Variants in PTPRN2 observed in about 807,000 individuals in gnomAD.
PTPRN2 encodes the protein protein tyrosine phosphatase receptor type N2.
A neutral mutation model predicts 118.8 loss-of-function variants in PTPRN2; 74 were observed. The observed-to-expected ratio is 0.62, with a 90% CI of 0.52 to 0.76. The LOEUF (loss-of-function observed/expected upper bound fraction) is 0.76, where lower values mean the gene tolerates loss of function less well. PTPRN2 is among the 30% of genes least tolerant of loss of function. The probability of loss-of-function intolerance (pLI) is 0.00; values close to 1 mark genes in which losing one functional copy is unlikely to be tolerated. For missense variants in PTPRN2, 1,481 were observed against 1,394.4 expected, an observed-to-expected ratio of 1.06 and a Z score of -0.99; for synonymous variants, 641 against 608.0, an observed-to-expected ratio of 1.05 and a Z score of -0.80.
chr7:157,621,377 G>GTTTCCTCCGCCCGGAACCCT lies in PTPRN2; in HGVS notation c.2328_2329insAGGGTTCCGGGCGGAGGAAA (p.Leu777ArgfsTer11), dbSNP rs765669062. The GTTTCCTCCGCCCGGAACCCT allele has an allele frequency of 6.3e-7, 1 of 1,599,636 alleles. No individual in the cohort carries two copies. The highest frequency in any genetic ancestry group is 1.3e-5 in the African/African-American group (1 of 74,780). On this transcript the variant is annotated frameshift_variant, in exon 15 of 23. Transcript: ENST00000389418. LOFTEE classifies it high-confidence loss of function. The stretch of plus-strand genomic sequence containing the variant: ...TGGTACGTACAGGTCAGCACGGCCA[G>GTTTCCTCCGCCCGGAACCCT]GGAGCGGTTCTTGGGCACGTTCTCC...
intron 1 of PTPRN2, among the ~76,000 whole-genome samples, chr7:158,542,937 G>A (rs1826075160): frequency 6.6e-6 from 1 of 152,184 alleles, no homozygotes; most frequent in Non-Finnish European, 1.5e-5. Context: ...GGGAGCCGCA[G>A]AGACCACAAA....
At chr7:158,370,748 G>A (rs553225627) in intron 2 of PTPRN2, among the ~76,000 whole-genome samples, 80 of 152,000 alleles carry the variant, frequency 5.3e-4, no homozygotes, top group African/African-American at 1.9e-3. Flanking sequence ...CGAGACTCCT[G>A]TCTCAAAAAA....
intron 22 of PTPRN2, among the ~76,000 whole-genome samples, chr7:157,545,810 G>C (rs545974536): frequency 1.7e-4 from 26 of 152,204 alleles, no homozygotes; most frequent in African/African-American, 6.3e-4. Context: ...TCGACGGCTC[G>C]CTCTTTCCTT....
rs17837785 is a variant in PTPRN2, at chr7:157,603,525, A to G, written c.2418+477T>C. 0.25 allele frequency among the ~76,000 whole-genome samples: 38,070 copies of G among 152,088 alleles called. 6,071 individuals are homozygous for G. The highest frequency in any genetic ancestry group is 0.45 in the East Asian group (2,302 of 5,170). On this transcript the variant is annotated intron_variant, in intron 16 of 22. Coordinates refer to ENST00000389418, the MANE Select transcript of PTPRN2 (RefSeq NM_002847.5). The surrounding 1 kb of genome is among the most constrained non-coding windows in gnomAD (Gnocchi z 5.4). ...GAACAGCCAGCAAACGGTCTCTTTC[A>G]TAAGAAACAGGGTCCCATTCACTGG... is the stretch of plus-strand genomic sequence containing the variant.
At chr7:157,643,577 G>A (rs1200782943) in intron 14 of PTPRN2, among the ~76,000 whole-genome samples, 1 of 152,186 alleles carries the variant, frequency 6.6e-6, no homozygotes, top group Non-Finnish European at 1.5e-5. Context: ...GCACACCCAC[G>A]GCCCGGGCAT....
chr7:157,725,142 T>G (rs375180949), intron 12 of PTPRN2, among the ~76,000 whole-genome samples: 1 of 149,212 alleles, frequency 6.7e-6, no homozygotes, highest in Non-Finnish European at 1.5e-5. Context: ...ACTGGATATC[T>G]ACACGCAGAG....
chr7:158,296,304 T>G (rs4909173), intron 3 of PTPRN2, among the ~76,000 whole-genome samples: 145,451 of 152,146 alleles, frequency 0.96, 69,580 homozygotes, highest in African/African-American at 0.97. Flanking sequence ...ACCAGCAGAC[T>G]AGGTAGTTGG....
chr7:157,994,611 T>A (rs1192639667), intron 11 of PTPRN2, among the ~76,000 whole-genome samples: 2 of 143,872 alleles, frequency 1.4e-5, no homozygotes, highest in African/African-American at 2.7e-5. Context: ...GTCCCCAGCT[T>A]ACAACTCCTG....
intron 11 of PTPRN2, among the ~76,000 whole-genome samples, chr7:157,947,490 T>C (rs965698574): frequency 4.6e-5 from 7 of 152,172 alleles, no homozygotes; most frequent in African/African-American, 7.2e-5. Context: ...GATGTGGTGG[T>C]ACCAGGGGGC....
At chr7:158,286,451 A>G (rs1799776271) in intron 3 of PTPRN2, among the ~76,000 whole-genome samples, 1 of 152,218 alleles carries the variant, frequency 6.6e-6, no homozygotes, top group African/African-American at 2.4e-5. Context: ...AAAAGCTTTC[A>G]GCTTTTCACC....
chr7:158,502,545 G>A (rs561233656), intron 1 of PTPRN2, among the ~76,000 whole-genome samples: 8 of 152,236 alleles, frequency 5.3e-5, no homozygotes, highest in African/African-American at 1.9e-4. Flanking sequence ...TCCTCGGGAC[G>A]CCTTCCTCCC....
intron 12 of PTPRN2, among the ~76,000 whole-genome samples, chr7:157,708,119 C>T (rs959560340): frequency 8.5e-5 from 13 of 152,244 alleles, no homozygotes; most frequent in African/African-American, 2.9e-4. Flanking sequence ...GGACAGTGGC[C>T]TTCCAGGGCT....
chr7:158,087,505 C>T (rs959820994), intron 10 of PTPRN2, among the ~76,000 whole-genome samples: 7 of 152,220 alleles, frequency 4.6e-5, no homozygotes, highest in South Asian at 2.1e-4. Flanking sequence ...ATTCACTTAC[C>T]GTGAAAGGTG....
rs1827980555 is a variant in PTPRN2, at chr7:158,570,749, G to A, written c.112+16809C>T. The stretch of plus-strand genomic sequence containing the variant: ...GAGAAGCTTGAGCCTGTGAGCCCCC[G>A]TCTCCGACCACGGACTCACCGGGAA... On this transcript the variant is annotated intron_variant, in intron 1 of 22. Transcript: ENST00000389418. The surrounding 1 kb of genome is among the most constrained non-coding windows in gnomAD (Gnocchi z 4.5). Among the ~76,000 whole-genome samples, 1 of 152,328 alleles carries A rather than the reference G, an allele frequency of 6.6e-6. No homozygotes were observed. Among genetic ancestry groups the A allele is most frequent in the Admixed American group, 6.5e-5 (1 of 15,302 alleles).
intron 3 of PTPRN2, among the ~76,000 whole-genome samples, chr7:158,224,653 T>C (rs1003098017): frequency 2.6e-5 from 4 of 152,166 alleles, no homozygotes; most frequent in Non-Finnish European, 5.9e-5. Context: ...AGAAAATCTT[T>C]GGAAGCTAGA....
In PTPRN2 at chr7:158,457,690, G is replaced by A. The variant is rs539853417; in HGVS notation, c.163+32045C>T. ...CGCTCCAGGGCGAGCCTGGCCTGGG[G>A]GGAGTCACAGTAAAGCCACCGTCAA... On this transcript the variant is annotated intron_variant, in intron 2 of 22. Coordinates refer to ENST00000389418, the MANE Select transcript of PTPRN2 (RefSeq NM_002847.5). Among the ~76,000 whole-genome samples the A allele has an allele frequency of 6.9e-5, 7 of 101,600 alleles. 1 individual carries two copies. In the East Asian group the frequency reaches 1.9e-3, roughly 27 times the overall value. 66.7% of individuals were successfully genotyped at this position (101,600 alleles called of 152,430 possible). A position where few individuals can be genotyped will look rare whatever the true frequency, so the allele number is the denominator to read the frequency against.
At position 158,093,286 on chromosome 7, in the gene PTPRN2, C is replaced by T. The variant is rs1489120332; in HGVS notation, c.1644-11909G>A. 1.4e-5 allele frequency among the ~76,000 whole-genome samples: 2 copies of T among 146,040 alleles called. No individual in the cohort carries two copies. The highest frequency in any genetic ancestry group is 4.2e-4 in the East Asian group (2 of 4,812). On this transcript the variant is annotated intron_variant, in intron 10 of 22. Coordinates refer to ENST00000389418, the MANE Select transcript of PTPRN2 (RefSeq NM_002847.5). This position sits in a 1 kb window ranked among gnomAD's most constrained non-coding sequence, Gnocchi z 4.4. The stretch of plus-strand genomic sequence containing the variant: ...TCCTTTCCTGACTCTGCCGCTGGAC[C>T]GACCCCCACACTGTAGACCCACACG...
chr7:158,141,485 C>T (rs1018986491), intron 6 of PTPRN2, among the ~76,000 whole-genome samples: 2 of 152,352 alleles, frequency 1.3e-5, no homozygotes, highest in South Asian at 4.1e-4. Flanking sequence ...GCCGCCTAGA[C>T]TCGCATGACT....
intron 11 of PTPRN2, among the ~76,000 whole-genome samples, chr7:157,956,231 G>A (rs1801179189): frequency 6.6e-6 from 1 of 152,210 alleles, no homozygotes; most frequent in African/African-American, 2.4e-5. Flanking sequence ...AGAAGACACA[G>A]GGTTGGCTCC....
Sources: gnomAD v4.1 joint callset for allele counts (sites outside exome capture counted in the v4.1 genomes callset) on GRCh38, gnomAD v4.1.1 for gene constraint, Gnocchi (gnomAD v3.1) non-coding constraint, MANE v1.5 for transcripts, NCBI Gene and HGNC (gene_info 2026-07-23, HGNC 2026-07-21) for gene names.